KSR1: variants seen among roughly 807,000 people sequenced by gnomAD.
The protein encoded by KSR1 is kinase suppressor of ras.
Under a neutral mutation model 92.9 loss-of-function variants are expected in KSR1, and 35 were observed. The observed-to-expected ratio is 0.38, with a 90% CI of 0.29 to 0.50. The LOEUF (loss-of-function observed/expected upper bound fraction) is 0.50, where lower values mean the gene tolerates loss of function less well. KSR1 is among the 20% of genes least tolerant of loss of function. KSR1 has a pLI of 0.94. For missense variants in KSR1, 972 were observed against 1,158.5 expected (o/e 0.84, Z 2.34); for synonymous variants, 467 against 472.6 (o/e 0.99, Z 0.15).
intron 11 of KSR1, 80 bp from the exon 12 acceptor site, chr17:27,603,754 G>T: frequency 7.0e-7 from 1 of 1,420,122 alleles, no homozygotes. Context: ...CTCTCTGGGG[G>T]TGCTGGGTTT....
chr17:27,570,034 T>C (rs2072244738), intron 2 of KSR1, among the ~76,000 whole-genome samples: 1 of 152,136 alleles, frequency 6.6e-6, no homozygotes. Flanking sequence ...AGTGCCAGCC[T>C]CCTCCAAAGG....
At chr17:27,618,643 G>A (rs1456447260) in intron 19 of KSR1, among the ~76,000 whole-genome samples, 2 of 152,300 alleles carry the variant, frequency 1.3e-5, no homozygotes, top group East Asian at 3.9e-4. Flanking sequence ...CATAAACCAG[G>A]GAGCTGGCTG....
chr17:27,541,624 C>T (rs555195146), intron 1 of KSR1, among the ~76,000 whole-genome samples: 111 of 152,160 alleles, frequency 7.3e-4, no homozygotes, highest in African/African-American at 2.5e-3. Context: ...TTGTACCAGT[C>T]AAGACAGCTT....
chr17:27,565,908 C>T (rs2072042977), intron 2 of KSR1, among the ~76,000 whole-genome samples: 2 of 152,148 alleles, frequency 1.3e-5, no homozygotes, highest in South Asian at 2.1e-4. Flanking sequence ...CTCCAGTTCA[C>T]GGTTTCTGGT....
chr17:27,475,203 C>T lies in KSR1; in HGVS notation c.231+18329C>T, dbSNP rs543154925. On this transcript the variant is annotated intron_variant, in intron 1 of 20. Coordinates refer to ENST00000644974, the MANE Select transcript of KSR1 (RefSeq NM_001394583.1). ...GGGCCAGGGGTGAGGCCACAAGGGGCCCTGGGCATGACATTTAGGGAGGTG... is the reference window on the plus strand; with the variant it reads ...GGGCCAGGGGTGAGGCCACAAGGGGTCCTGGGCATGACATTTAGGGAGGTG... Among the ~76,000 whole-genome samples the T allele has an allele frequency of 1.2e-4, 19 of 152,064 alleles. No homozygotes were observed. In the South Asian group the frequency reaches 3.8e-3, roughly 30 times the overall value.
chr17:27,590,772 C>T, intron 6 of KSR1, 39 bp from the exon 7 acceptor site: 1 of 1,580,390 alleles, frequency 6.3e-7, no homozygotes, highest in Non-Finnish European at 8.6e-7. Context: ...CTTGGCCTCC[C>T]AGCTGGTGCA....
In KSR1 at chr17:27,597,395, A is replaced by G. The variant is rs1375905980; in HGVS notation, c.1427A>G (p.Asn476Ser). 1 of 1,611,506 alleles carries G rather than the reference A, an allele frequency of 6.2e-7. No homozygotes were observed. Among genetic ancestry groups the G allele is most frequent in the African/African-American group, 1.3e-5 (1 of 74,606 alleles). The change falls in exon 10 of 21, where the codon AAC (asparagine) becomes AGC (serine). Residue 476 changes from asparagine to serine, a missense_variant. Around this residue, in one of 5 missense-constraint regions of KSR1, gnomAD observed 611 missense variants for 668.0 expected, o/e 0.91. Coordinates refer to ENST00000644974, the MANE Select transcript of KSR1 (RefSeq NM_001394583.1). The stretch of plus-strand genomic sequence containing the variant: ...CCATCCAGCGCCACCACGCCCCCCA[A>G]CCCCTCACCTGGCCAGCGGGACAGC... ...SNPSSATTPP[N>S]PSPGQRDSRF... is the part of the protein sequence containing the mutation.
intron 3 of KSR1, among the ~76,000 whole-genome samples, chr17:27,581,066 C>T (rs1212533897): frequency 1.3e-5 from 2 of 152,172 alleles, no homozygotes; most frequent in Admixed American, 6.5e-5. Context: ...TCTGCAGGCT[C>T]TCCAGGAAGC....
intron 1 of KSR1, among the ~76,000 whole-genome samples, chr17:27,458,180 A>G (rs903655383): frequency 6.6e-6 from 1 of 152,174 alleles, no homozygotes; most frequent in Non-Finnish European, 1.5e-5. Flanking sequence ...TGCTTAAAAA[A>G]CAAACAAAAC....
At chr17:27,513,757 A>C (rs1488080121) in intron 1 of KSR1, among the ~76,000 whole-genome samples, 2 of 152,220 alleles carry the variant, frequency 1.3e-5, no homozygotes, top group Admixed American at 6.5e-5. Flanking sequence ...TAACCCCTGC[A>C]AGGCAGAATA....
intron 3 of KSR1, among the ~76,000 whole-genome samples, chr17:27,580,314 C>T (rs1429946070): frequency 2.0e-5 from 3 of 152,054 alleles, no homozygotes; most frequent in South Asian, 2.1e-4. Flanking sequence ...AAGGAGCAAG[C>T]GGTATGGGAG....
intron 1 of KSR1, among the ~76,000 whole-genome samples, chr17:27,507,264 C>G (rs1443253794): frequency 6.6e-6 from 1 of 152,040 alleles, no homozygotes; most frequent in Non-Finnish European, 1.5e-5. Flanking sequence ...GAAACCCCGT[C>G]TCTACTAAAA....
At chr17:27,586,331 G>T (rs1001025315) in intron 5 of KSR1, among the ~76,000 whole-genome samples, 2 of 152,214 alleles carry the variant, frequency 1.3e-5, no homozygotes, top group Non-Finnish European at 2.9e-5. Flanking sequence ...GCTTTTAATT[G>T]TCTGGAAATG....
At chr17:27,555,546 C>T (rs975979453) in intron 2 of KSR1, among the ~76,000 whole-genome samples, 22 of 148,262 alleles carry the variant, frequency 1.5e-4, no homozygotes, top group African/African-American at 4.7e-4. Flanking sequence ...GTAGCACTTC[C>T]GTGTGTAGCA....
chr17:27,569,812 T>C (rs1359779211), intron 2 of KSR1, among the ~76,000 whole-genome samples: 1 of 152,176 alleles, frequency 6.6e-6, no homozygotes, highest in Non-Finnish European at 1.5e-5. Flanking sequence ...CTGTGTGGCT[T>C]TCAGAAAAAG....
At chr17:27,491,589 GT>G (rs911414046) in intron 1 of KSR1, among the ~76,000 whole-genome samples, 2 of 152,090 alleles carry the variant, frequency 1.3e-5, no homozygotes, top group Non-Finnish European at 2.9e-5. Context: ...GGAAACTGGT[GT>G]TTTTTACTTT....
chr17:27,588,593 G>T, intron 6 of KSR1, 58 bp downstream of exon 6: 6 of 1,452,058 alleles, frequency 4.1e-6, no homozygotes, highest in Non-Finnish European at 4.7e-6. Flanking sequence ...ACCCAGATGG[G>T]GCCAGGAGTT....
chr17:27,600,929 A>G (rs1161456546), intron 10 of KSR1, among the ~76,000 whole-genome samples: 2 of 152,200 alleles, frequency 1.3e-5, no homozygotes, highest in Non-Finnish European at 1.5e-5. Context: ...AGAGAGAGAA[A>G]AAAATGTGGG....
chr17:27,571,944 G>A (rs2072326440), intron 2 of KSR1, among the ~76,000 whole-genome samples: 1 of 152,166 alleles, frequency 6.6e-6, no homozygotes, highest in South Asian at 2.1e-4. Flanking sequence ...GTAAATCCCT[G>A]GATACCATTT....
Sources: allele counts gnomAD v4.1 joint callset (sites outside exome capture counted in the v4.1 genomes callset), GRCh38; gene constraint gnomAD v4.1.1; regional missense constraint gnomAD v4.1.1; transcripts MANE v1.5; gene names NCBI Gene and HGNC (gene_info 2026-07-23, HGNC 2026-07-21).